Variants in CADPS observed in about 807,000 individuals in gnomAD.
CADPS encodes calcium dependent secretion activator.
In CADPS, 57 loss-of-function variants were observed where a neutral mutation model predicts 167.3. That is an observed-to-expected ratio of 0.34 (90% CI 0.28 to 0.42). The LOEUF (loss-of-function observed/expected upper bound fraction) is 0.42, where lower values mean the gene tolerates loss of function less well. Among genes scored for constraint, CADPS ranks in the 20% least tolerant of loss-of-function variants. CADPS has a pLI of 1.00. For synonymous variants in CADPS, 676 were observed against 635.3 expected (o/e 1.06, Z -0.96); for missense variants, 1,414 against 1,738.1 (o/e 0.81, Z 3.32).
rs1228821846 is a variant in CADPS, at chr3:62,856,547, G to C, written c.441+18042C>G. Among the ~76,000 whole-genome samples the C allele has an allele frequency of 2.0e-5, 3 of 151,998 alleles. No individual in the cohort carries two copies. In the East Asian group the frequency reaches 5.8e-4, roughly 29 times the overall value. The stretch of plus-strand genomic sequence containing the variant: ...ATGCAAGAAGAGTCATGGATATTCT[G>C]AAAAGTATAATAAAAGGAACTTTAT... On this transcript the variant is annotated intron_variant, in intron 1 of 29. Coordinates refer to ENST00000383710, the MANE Select transcript of CADPS (RefSeq NM_003716.4).
chr3:62,429,641 G>A lies in CADPS; in HGVS notation c.3777+8463C>T, dbSNP rs528449258. The stretch of plus-strand genomic sequence containing the variant: ...TGTGTGTGTGTGTGTGTGCACACGC[G>A]TACTTGTACATGTGTACTGTGTTTG... On this transcript the variant is annotated intron_variant, in intron 28 of 29. Coordinates refer to ENST00000383710, the MANE Select transcript of CADPS (RefSeq NM_003716.4). 3.9e-4 allele frequency among the ~76,000 whole-genome samples: 59 copies of A among 151,782 alleles called. 2 individuals are homozygous for A. The South Asian group carries it at 9.2e-3, about 24-fold the overall frequency.
chr3:62,539,669 G>A (rs781423559), intron 11 of CADPS, among the ~76,000 whole-genome samples: 4 of 152,120 alleles, frequency 2.6e-5, no homozygotes, highest in African/African-American at 7.2e-5. Flanking sequence ...TACCTGGCAC[G>A]TAGTAGGCAC....
intron 1 of CADPS, among the ~76,000 whole-genome samples, chr3:62,865,548 T>C (rs899394958): frequency 6.6e-6 from 1 of 152,140 alleles, no homozygotes; most frequent in African/African-American, 2.4e-5. Flanking sequence ...CTCTCAATTT[T>C]AGAATGGCAG....
Position 62,810,472 on chromosome 3 carries a change from A to G in CADPS, c.442-44488T>C, listed in dbSNP as rs186524845. Among the ~76,000 whole-genome samples, 395 of 152,260 alleles carry G rather than the reference A, an allele frequency of 2.6e-3. 4 individuals carry two copies. Among genetic ancestry groups the G allele is most frequent in the African/African-American group, 9.2e-3 (384 of 41,548 alleles). On this transcript the variant is annotated intron_variant, in intron 1 of 29. Transcript: ENST00000383710. ...GCAGCTTTTCAAGTACATGCCCACT[A>G]AATATTAAAATCATTGGGGAAATTC...
intron 1 of CADPS, among the ~76,000 whole-genome samples, chr3:62,797,116 CA>C (rs1309816397): frequency 6.6e-6 from 1 of 152,090 alleles, no homozygotes; most frequent in Non-Finnish European, 1.5e-5. Context: ...TTATCCAACC[CA>C]AAAGTTTTCT....
intron 26 of CADPS, among the ~76,000 whole-genome samples, chr3:62,459,286 G>T (rs1170896728): frequency 6.6e-6 from 1 of 152,120 alleles, no homozygotes; most frequent in Non-Finnish European, 1.5e-5. Flanking sequence ...CTTATAACAG[G>T]GAGCTGGTCT....
intron 1 of CADPS, among the ~76,000 whole-genome samples, chr3:62,775,212 A>AT (rs1460122337): frequency 0.083 from 3,155 of 38,124 alleles, 51 homozygotes; most frequent in South Asian, 0.3. Context: ...CAATTTTTGT[A>AT]TTTTTGTATT....
intron 1 of CADPS, among the ~76,000 whole-genome samples, chr3:62,766,716 C>T (rs1418008365): frequency 6.8e-6 from 1 of 146,292 alleles, no homozygotes; most frequent in African/African-American, 2.4e-5. Context: ...GGAAAACTTT[C>T]CTAAAAGATT....
At chr3:62,451,933 G>A (rs983204489) in intron 26 of CADPS, among the ~76,000 whole-genome samples, 25 of 152,018 alleles carry the variant, frequency 1.6e-4, no homozygotes, top group Admixed American at 3.3e-4. Flanking sequence ...AAATCATTTC[G>A]TCTCCTGTTG....
intron 28 of CADPS, among the ~76,000 whole-genome samples, chr3:62,426,395 C>G (rs149602072): frequency 5.3e-5 from 8 of 152,118 alleles, no homozygotes; most frequent in Non-Finnish European, 1.2e-4. Context: ...GTGATCCACC[C>G]GCCTTGGCCT....
chr3:62,535,096 A>T (rs918210226), intron 12 of CADPS, among the ~76,000 whole-genome samples: 3 of 152,104 alleles, frequency 2.0e-5, no homozygotes, highest in Non-Finnish European at 4.4e-5. Context: ...TATAAAAGGG[A>T]ATGATTTAAG....
chr3:62,493,610 A>G, intron 19 of CADPS, 35 bp downstream of exon 19: 1 of 1,532,620 alleles, frequency 6.5e-7, no homozygotes, highest in South Asian at 1.2e-5. Flanking sequence ...ATAGGGGTCC[A>G]CCTCTCTTCT....
intron 1 of CADPS, among the ~76,000 whole-genome samples, chr3:62,832,530 G>A (rs544065651): frequency 7.2e-5 from 11 of 152,308 alleles, no homozygotes; most frequent in Non-Finnish European, 1.3e-4. Flanking sequence ...TTCCACCAGA[G>A]GAAATTGTAG....
At chr3:62,572,233 C>G (rs1005446382) in intron 8 of CADPS, among the ~76,000 whole-genome samples, 1 of 152,118 alleles carries the variant, frequency 6.6e-6, no homozygotes, top group Non-Finnish European at 1.5e-5. Context: ...AGCCAGAAAC[C>G]CAGGAGTCAT....
At chr3:62,576,256 G>A (rs111679614) in intron 8 of CADPS, among the ~76,000 whole-genome samples, 4 of 152,268 alleles carry the variant, frequency 2.6e-5, no homozygotes, top group East Asian at 1.9e-4. Context: ...TTATATCTCA[G>A]ACTAAAGGAG....
intron 8 of CADPS, among the ~76,000 whole-genome samples, chr3:62,574,034 G>A (rs1185832400): frequency 6.6e-6 from 1 of 152,150 alleles, no homozygotes; most frequent in Non-Finnish European, 1.5e-5. Flanking sequence ...ATAAAAACAT[G>A]TAATCCATTG....
At chr3:62,777,948 C>T (rs2090716178) in intron 1 of CADPS, among the ~76,000 whole-genome samples, 2 of 152,180 alleles carry the variant, frequency 1.3e-5, no homozygotes, top group African/African-American at 4.8e-5. Context: ...CTGAATTGTA[C>T]TGAGGTTTCA....
At chr3:62,828,980 C>T (rs1382243932) in intron 1 of CADPS, among the ~76,000 whole-genome samples, 2 of 152,138 alleles carry the variant, frequency 1.3e-5, no homozygotes, top group African/African-American at 4.8e-5. Context: ...CATGGGTAGT[C>T]CCTGTACTGA....
At chr3:62,618,090 C>G (rs2062616011) in intron 6 of CADPS, among the ~76,000 whole-genome samples, 1 of 152,088 alleles carries the variant, frequency 6.6e-6, no homozygotes, top group Admixed American at 6.6e-5. Flanking sequence ...CAATAAGAGT[C>G]AGCCACAAAA....
Sources: allele counts gnomAD v4.1 joint callset (sites outside exome capture counted in the v4.1 genomes callset), GRCh38; gene constraint gnomAD v4.1.1; transcripts MANE v1.5; gene names NCBI Gene and HGNC (gene_info 2026-07-23, HGNC 2026-07-21).